STAMBPL1: variants seen among roughly 807,000 people sequenced by gnomAD.
STAMBPL1 encodes the protein STAM binding protein like 1.
STAMBPL1 carries 44 observed loss-of-function variants against 52.9 expected under a neutral mutation model. The observed-to-expected ratio is 0.83, with a 90% CI of 0.65 to 1.07. The LOEUF (loss-of-function observed/expected upper bound fraction) is 1.07. Among genes scored for constraint, STAMBPL1 ranks in the 50% least tolerant of loss-of-function variants. The probability of loss-of-function intolerance (pLI) is 0.00; values close to 1 mark genes in which losing one functional copy is unlikely to be tolerated. For missense variants in STAMBPL1, 511 were observed against 520.8 expected (o/e 0.98, Z 0.18); for synonymous variants, 164 against 177.3 (o/e 0.92, Z 0.60).
chr10:88,886,371 A>G (rs1323922939), intron 1 of STAMBPL1, among the ~76,000 whole-genome samples: 3 of 152,188 alleles, frequency 2.0e-5, no homozygotes, highest in Non-Finnish European at 4.4e-5. Context: ...TCTCACCCTT[A>G]AAAATATACT....
At chr10:88,920,357 A>G (rs980637925) in intron 8 of STAMBPL1, among the ~76,000 whole-genome samples, 3 of 152,180 alleles carry the variant, frequency 2.0e-5, no homozygotes, top group Admixed American at 1.3e-4. Flanking sequence ...CTTCATAACA[A>G]TCCCATGCAG....
At chr10:88,914,450 A>G in intron 6 of STAMBPL1, 84 bp from the exon 7 acceptor site, 3 of 1,142,332 alleles carry the variant, frequency 2.6e-6, no homozygotes, top group Non-Finnish European at 3.4e-6. Context: ...TTTATGTCCA[A>G]CTGCAACTGT....
chr10:88,890,002 G>C (rs1170283714), intron 1 of STAMBPL1, among the ~76,000 whole-genome samples: 1 of 152,118 alleles, frequency 6.6e-6, no homozygotes, highest in Non-Finnish European at 1.5e-5. Context: ...GTTTCTTCAT[G>C]AGTATGTAAT....
chr10:88,894,443 C>T (rs1166001886), intron 1 of STAMBPL1, among the ~76,000 whole-genome samples: 1 of 152,030 alleles, frequency 6.6e-6, no homozygotes, highest in African/African-American at 2.4e-5. Context: ...CTCACTCTTA[C>T]CTAGAAGGCA....
At chr10:88,913,584 A>G in intron 6 of STAMBPL1, 126 bp downstream of exon 6, 2 of 788,696 alleles carry the variant, frequency 2.5e-6, no homozygotes, top group East Asian at 5.1e-5. Flanking sequence ...ATAATATGGT[A>G]TGAATGAAAG....
intron 9 of STAMBPL1, among the ~76,000 whole-genome samples, chr10:88,921,748 C>A (rs1175899929): frequency 2.6e-5 from 4 of 152,066 alleles, no homozygotes; most frequent in African/African-American, 7.2e-5. Flanking sequence ...CTTTGGGGAA[C>A]AATGATTATT....
intron 1 of STAMBPL1, among the ~76,000 whole-genome samples, chr10:88,886,147 A>G (rs1258581916): frequency 2.0e-5 from 3 of 152,254 alleles, no homozygotes; most frequent in Non-Finnish European, 2.9e-5. Context: ...AACTTAATAA[A>G]AAGCATTACT....
intron 2 of STAMBPL1, among the ~76,000 whole-genome samples, chr10:88,904,912 T>G (rs1845034271): frequency 6.6e-6 from 1 of 151,958 alleles, no homozygotes; most frequent in Non-Finnish European, 1.5e-5. Flanking sequence ...ACTTGTGGGT[T>G]GTTTTTTTTT....
intron 5 of STAMBPL1, among the ~76,000 whole-genome samples, chr10:88,912,049 G>A (rs1845238586): frequency 6.6e-6 from 1 of 152,150 alleles, no homozygotes; most frequent in African/African-American, 2.4e-5. Context: ...AGCCTACAGT[G>A]GTGACCCATG....
In STAMBPL1 at chr10:88,891,406, A is replaced by G. The variant is rs1564621366; in HGVS notation, c.-53-10250A>G. On this transcript the variant is annotated intron_variant, in intron 1 of 10. Coordinates refer to ENST00000371926, the MANE Select transcript of STAMBPL1 (RefSeq NM_020799.4). ...ATTATAGAAGGAAAAATAGAAATAG[A>G]AAAATGGCCACTTTCAAACACCACA... is the stretch of plus-strand genomic sequence containing the variant. 1.3e-5 allele frequency among the ~76,000 whole-genome samples: 2 copies of G among 152,226 alleles called. 1 individual carries two copies. The highest frequency in any genetic ancestry group is 3.8e-4 in the East Asian group (2 of 5,198).
In STAMBPL1 at chr10:88,913,238, G is replaced by A; in HGVS notation, c.558G>A (p.Lys186=). ...QFLFFEDQLK[K]QELARGQMRS... ...TGTTTTTCGAAGATCAACTCAAGAA[G>A]CAAGAGTTAGCCCGAGGTCAAATGC... The change falls in exon 6 of 11, where the codon AAG becomes AAA. Residue 186 remains lysine (K), a synonymous_variant. Transcript: ENST00000371926. 2 of 1,613,890 alleles carry A rather than the reference G, an allele frequency of 1.2e-6. No individual in the cohort carries two copies. Among genetic ancestry groups the A allele is most frequent in the Non-Finnish European group, 1.7e-6 (2 of 1,179,848 alleles).
chr10:88,908,687 T>A lies in STAMBPL1; in HGVS notation c.249-15T>A. The A allele has an allele frequency of 6.2e-7, 1 of 1,604,704 alleles. No homozygotes were observed. ...GCTGTCACATAATGCTAAGGACATG[T>A]TTTCTCTTCCTTAGCTTATTTGTAG... On this transcript the variant is annotated splice_polypyrimidine_tract_variant and intron_variant, in intron 3 of 10. Transcript: ENST00000371926.
intron 3 of STAMBPL1, among the ~76,000 whole-genome samples, chr10:88,907,418 TC>T (rs1335936676): frequency 6.6e-6 from 1 of 152,214 alleles, no homozygotes; most frequent in Non-Finnish European, 1.5e-5. Flanking sequence ...GAAGTTATTC[TC>T]CACCATTGAT....
At chr10:88,911,991 A>G (rs1845236767) in intron 5 of STAMBPL1, among the ~76,000 whole-genome samples, 2 of 152,206 alleles carry the variant, frequency 1.3e-5, no homozygotes, top group African/African-American at 4.8e-5. Context: ...TGGGAGGAAC[A>G]GGCTCTGCAG....
chr10:88,913,321 T>G lies in STAMBPL1; in HGVS notation c.641T>G (p.Phe214Cys), dbSNP rs775127867. The change falls in exon 6 of 11, where the codon TTT becomes TGT. Residue 214 changes from phenylalanine to cysteine, a missense_variant. Phe to Cys is a radical substitution (Grantham distance 205). Coordinates refer to ENST00000371926, the MANE Select transcript of STAMBPL1 (RefSeq NM_020799.4). ...ATTGATGGGAGCGCTTTGTCCTGCT[T>G]TTCCACACACCAGAACAATTCCTTG... is the stretch of plus-strand genomic sequence containing the variant. ...EQIDGSALSC[F>C]STHQNNSLLN... is the part of the protein sequence containing the mutation. 1 of 1,613,890 alleles carries G rather than the reference T, an allele frequency of 6.2e-7. No individual in the cohort carries two copies. Among genetic ancestry groups the G allele is most frequent in the Admixed American group, 1.7e-5 (1 of 59,986 alleles).
In STAMBPL1 at chr10:88,913,346, G is replaced by A. The variant is rs1256423542; in HGVS notation, c.666G>A (p.Leu222=). The change falls in exon 6 of 11, where the codon TTG becomes TTA. Residue 222 remains leucine, a synonymous_variant. Coordinates refer to ENST00000371926, the MANE Select transcript of STAMBPL1 (RefSeq NM_020799.4). ...TTTCCACACACCAGAACAATTCCTT[G>A]CTGAATGTATTTGCAGATCAACCTA... ...SCFSTHQNNS[L]LNVFADQPNK... is the part of the protein sequence containing the mutation. The A allele has an allele frequency of 6.2e-7, 1 of 1,613,856 alleles. No individual in the cohort carries two copies. Among genetic ancestry groups the A allele is most frequent in the South Asian group, 1.1e-5 (1 of 91,072 alleles).
intron 8 of STAMBPL1, among the ~76,000 whole-genome samples, chr10:88,919,264 G>C (rs188444938): frequency 1.8e-4 from 28 of 152,220 alleles, no homozygotes; most frequent in Admixed American, 1.1e-3. Context: ...TACTTATCTT[G>C]TTGCTGTGAG....
At chr10:88,897,232 T>C (rs1397782432) in intron 1 of STAMBPL1, among the ~76,000 whole-genome samples, 5 of 152,060 alleles carry the variant, frequency 3.3e-5, no homozygotes, top group African/African-American at 9.7e-5. Flanking sequence ...GACTGCTCAG[T>C]TGGTTCTGGG....
intron 1 of STAMBPL1, among the ~76,000 whole-genome samples, chr10:88,895,075 C>G (rs1844779734): frequency 6.6e-6 from 1 of 152,190 alleles, no homozygotes; most frequent in Admixed American, 6.5e-5. Context: ...GCCATGTGAG[C>G]AAGGAGCCAG....
Sources: allele counts gnomAD v4.1 joint callset (sites outside exome capture counted in the v4.1 genomes callset), GRCh38; gene constraint gnomAD v4.1.1; transcripts MANE v1.5; gene names NCBI Gene and HGNC (gene_info 2026-07-23, HGNC 2026-07-21).